UNC5D: variants seen among roughly 807,000 people sequenced by gnomAD.
The protein encoded by UNC5D is unc-5 netrin receptor D, also known as netrin receptor UNC5D.
Under a neutral mutation model 105.4 loss-of-function variants are expected in UNC5D, and 39 were observed. The ratio of observed to expected loss-of-function variants is 0.37; its 90% CI spans 0.29 to 0.48. The LOEUF is 0.48. UNC5D is among the 20% of genes least tolerant of loss of function. The pLI is 0.98. For missense variants in UNC5D, 991 were observed against 1,202.4 expected (o/e 0.82, Z 2.60); for synonymous variants, 452 against 450.4 (o/e 1.00, Z -0.04).
At chr8:35,449,459 C>T (rs748166708) in intron 1 of UNC5D, among the ~76,000 whole-genome samples, 11 of 152,118 alleles carry the variant, frequency 7.2e-5, no homozygotes, top group African/African-American at 1.2e-4. Flanking sequence ...TGACCTGTCC[C>T]GCCCCATGCA....
At chr8:35,681,982 G>A (rs898884142) in intron 4 of UNC5D, among the ~76,000 whole-genome samples, 14 of 151,500 alleles carry the variant, frequency 9.2e-5, no homozygotes, top group African/African-American at 3.2e-4. Context: ...GGGGGGAGGG[G>A]CGGACGGAGT....
At chr8:35,552,527 C>T (rs1036686743) in intron 2 of UNC5D, among the ~76,000 whole-genome samples, 1 of 152,202 alleles carries the variant, frequency 6.6e-6, no homozygotes, top group African/African-American at 2.4e-5. Flanking sequence ...TTTATTTATT[C>T]CTGACCATTT....
chr8:35,649,146 C>T (rs1170994848), intron 4 of UNC5D, among the ~76,000 whole-genome samples: 2 of 152,078 alleles, frequency 1.3e-5, no homozygotes, highest in Admixed American at 6.6e-5. Flanking sequence ...TTTCTAGAAT[C>T]GTTGAAGGAG....
At chr8:35,498,532 G>A (rs1308906500) in intron 1 of UNC5D, among the ~76,000 whole-genome samples, 3 of 152,128 alleles carry the variant, frequency 2.0e-5, no homozygotes, top group Admixed American at 6.5e-5. Context: ...GGAGGAGTGG[G>A]ATCAAAGGCA....
intron 1 of UNC5D, among the ~76,000 whole-genome samples, chr8:35,432,140 T>G (rs1314323973): frequency 2.0e-5 from 3 of 152,174 alleles, no homozygotes; most frequent in Non-Finnish European, 4.4e-5. Context: ...GTAAGTTATT[T>G]AATCTCAGTT....
intron 4 of UNC5D, among the ~76,000 whole-genome samples, chr8:35,634,201 C>G (rs756637787): frequency 6.6e-6 from 1 of 152,080 alleles, no homozygotes; most frequent in Non-Finnish European, 1.5e-5. Flanking sequence ...AGATGAAAAC[C>G]TTAGGCATTT....
chr8:35,548,459 G>T (rs1815861254), intron 1 of UNC5D, among the ~76,000 whole-genome samples: 1 of 152,122 alleles, frequency 6.6e-6, no homozygotes, highest in Admixed American at 6.5e-5. Flanking sequence ...TGATTTTGTG[G>T]CAGTTTCCTG....
chr8:35,731,429 AG>A (rs1202629940), intron 11 of UNC5D, among the ~76,000 whole-genome samples: 1 of 148,692 alleles, frequency 6.7e-6, no homozygotes, highest in African/African-American at 2.5e-5. Flanking sequence ...AAAAAAAAAA[AG>A]GGCATTTTAA....
At position 35,305,714 on chromosome 8, in the gene UNC5D, CCTCT is replaced by C. The variant is rs560503390; in HGVS notation, c.103+69830_103+69833del. On this transcript the variant is annotated intron_variant, in intron 1 of 16. Transcript: ENST00000404895. ...TTCTTCCTCCCTCCCTGCCTGACTCCCTCTCTTTCTCTTTTCTCTTTCTTTCTCT... is the reference window on the plus strand; with the variant it reads ...TTCTTCCTCCCTCCCTGCCTGACTCCCTTTCTCTTTTCTCTTTCTTTCTCT... Among the ~76,000 whole-genome samples, 392 of 142,052 alleles carry C rather than the reference CCTCT, an allele frequency of 2.8e-3. 3 individuals carry two copies. Among genetic ancestry groups the C allele is most frequent in the Non-Finnish European group, 2.8e-3 (187 of 65,680 alleles). The allele number at this position is 142,052 out of a possible 152,430, so 93.2% of individuals were successfully genotyped here. A position where few individuals can be genotyped will look rare whatever the true frequency, so the allele number is the denominator to read the frequency against.
chr8:35,352,720 C>T (rs570027546), intron 1 of UNC5D, among the ~76,000 whole-genome samples: 1 of 152,244 alleles, frequency 6.6e-6, no homozygotes, highest in East Asian at 1.9e-4. Flanking sequence ...TCAAGTGATT[C>T]TTCTGCCTCA....
chr8:35,638,669 C>T (rs986007878), intron 4 of UNC5D, among the ~76,000 whole-genome samples: 1 of 151,960 alleles, frequency 6.6e-6, no homozygotes, highest in Non-Finnish European at 1.5e-5. Flanking sequence ...ATGACATGCA[C>T]CTACAGTCCT....
chr8:35,709,715 AGTTAT>A (rs1827819837), intron 8 of UNC5D, among the ~76,000 whole-genome samples: 1 of 152,272 alleles, frequency 6.6e-6, no homozygotes, highest in East Asian at 1.9e-4. Flanking sequence ...AAATAAAATA[AGTTAT>A]GTTTAAGAAT....
intron 7 of UNC5D, among the ~76,000 whole-genome samples, chr8:35,688,547 G>T (rs929965351): frequency 2.0e-5 from 3 of 152,176 alleles, no homozygotes; most frequent in African/African-American, 4.8e-5. Context: ...CAGATACAAT[G>T]CAGGGAGCTG....
intron 1 of UNC5D, among the ~76,000 whole-genome samples, chr8:35,458,525 G>A (rs971958740): frequency 2.0e-5 from 3 of 152,050 alleles, no homozygotes; most frequent in Non-Finnish European, 2.9e-5. Flanking sequence ...AGGAAAGCAA[G>A]AGAAAAGAAA....
At chr8:35,432,190 C>T (rs947455201) in intron 1 of UNC5D, among the ~76,000 whole-genome samples, 3 of 151,888 alleles carry the variant, frequency 2.0e-5, no homozygotes, top group African/African-American at 7.3e-5. Flanking sequence ...CCACTTACAT[C>T]GTAATATTAT....
In UNC5D at chr8:35,794,534, G is replaced by A. The variant is rs1458074742; in HGVS notation, c.*3971G>A. The A allele has an allele frequency of 6.6e-6, 1 of 152,600 alleles. No individual in the cohort carries two copies. The highest frequency in any genetic ancestry group is 6.6e-5 in the Admixed American group (1 of 15,264). The allele number at this position is 152,600 out of a possible 1,614,324, so 9.5% of individuals were successfully genotyped here. ...CATAGTGCTGTATTTGAAAATCGAT[G>A]CTTTAGCCAAAAGCTGAATGACCAC... On this transcript the variant is annotated 3_prime_UTR_variant, in exon 17 of 17. Coordinates refer to ENST00000404895, the MANE Select transcript of UNC5D (RefSeq NM_080872.4).
chr8:35,759,617 C>T, intron 14 of UNC5D, 148 bp downstream of exon 14: 1 of 929,702 alleles, frequency 1.1e-6, no homozygotes, highest in South Asian at 1.6e-5. Context: ...ACAGTTTGGA[C>T]TACACACACG....
intron 1 of UNC5D, among the ~76,000 whole-genome samples, chr8:35,283,415 A>T (rs1806343800): frequency 6.6e-6 from 1 of 152,144 alleles, no homozygotes. Context: ...GTCACATTAC[A>T]AATTAGCAGA....
At chr8:35,602,122 C>T (rs1037290461) in intron 4 of UNC5D, among the ~76,000 whole-genome samples, 3 of 152,148 alleles carry the variant, frequency 2.0e-5, no homozygotes, top group Admixed American at 1.3e-4. Flanking sequence ...GTATGTTGAA[C>T]CAGTCTGGCA....
Sources: allele counts gnomAD v4.1 joint callset (sites outside exome capture counted in the v4.1 genomes callset), GRCh38; gene constraint gnomAD v4.1.1; transcripts MANE v1.5; gene names NCBI Gene and HGNC (gene_info 2026-07-23, HGNC 2026-07-21).